Variants in ZNF185 observed in about 807,000 individuals in gnomAD.
ZNF185 encodes the protein zinc finger protein 185 with LIM domain, also known as zinc finger protein 185.
A neutral mutation model predicts 58.6 loss-of-function variants in ZNF185; 56 were observed. That is an observed-to-expected ratio of 0.95 (90% CI 0.77 to 1.19). The LOEUF (loss-of-function observed/expected upper bound fraction) is 1.19, where lower values mean the gene tolerates loss of function less well. ZNF185 is among the 50% of genes most tolerant of loss of function. The pLI, the probability that ZNF185 is intolerant of heterozygous loss-of-function variation, is 0.00. For missense variants in ZNF185, 627 were observed against 573.5 expected (o/e 1.09, Z -0.95); for synonymous variants, 230 against 215.9 (o/e 1.07, Z -0.57).
chrX:152,911,701 C>G (rs1420358336), upstream of ZNF185, among the ~76,000 whole-genome samples: 1 of 41,184 alleles, frequency 2.4e-5, no homozygotes, highest in Non-Finnish European at 4.7e-5. Flanking sequence ...TCATCCCATC[C>G]CATCCATCCC....
intron 18 of ZNF185, among the ~76,000 whole-genome samples, chrX:152,964,649 A>G (rs1222800049): frequency 8.9e-6 from 1 of 112,067 alleles, no homozygotes; most frequent in East Asian, 2.8e-4. Context: ...TCACATTTCA[A>G]CATGAGGTTT....
chrX:152,927,123 G>C (rs1405975359), intron 11 of ZNF185, among the ~76,000 whole-genome samples: 1 of 112,542 alleles, frequency 8.9e-6, no homozygotes, highest in Non-Finnish European at 1.9e-5. Context: ...AATATGTTGT[G>C]CTTGCCTGTG....
At chrX:152,962,631 G>A (rs1556911197) in intron 17 of ZNF185, among the ~76,000 whole-genome samples, 2 of 112,021 alleles carry the variant, frequency 1.8e-5, no homozygotes, top group Non-Finnish European at 3.8e-5. Flanking sequence ...AGTCTCTATG[G>A]TATATTTCTT....
In ZNF185 at chrX:152,963,827, T is replaced by C. The variant is rs782696290; in HGVS notation, c.1608-12T>C. The C allele has an allele frequency of 8.3e-7, 1 of 1,203,742 alleles. No individual in the cohort carries two copies. The highest frequency in any genetic ancestry group is 1.8e-5 in the South Asian group (1 of 56,091). ...AGGTTGACGTGCCCACCCCTCCCTTTATTTCTTTCAGGGTGAGGAGCCCCT... is the reference window on the plus strand; with the variant it reads ...AGGTTGACGTGCCCACCCCTCCCTTCATTTCTTTCAGGGTGAGGAGCCCCT... On this transcript the variant is annotated splice_polypyrimidine_tract_variant and intron_variant, in intron 17 of 22. Coordinates refer to ENST00000449285, the Ensembl canonical transcript of ZNF185.
chrX:152,939,868 T>C (rs950456500), intron 15 of ZNF185, among the ~76,000 whole-genome samples: 2 of 100,120 alleles, frequency 2.0e-5, no homozygotes. Context: ...CTGCAACCTC[T>C]GCCTCCTGGG....
At chrX:152,922,093 C>T in intron 9 of ZNF185, 80 bp from the exon 11 acceptor site, 1 of 1,044,181 alleles carries the variant, frequency 9.6e-7, no homozygotes, top group Non-Finnish European at 1.3e-6. Flanking sequence ...TTAGACGCCA[C>T]TGGAAGCATG....
chrX:152,909,547 C>T (rs1184981443), upstream of ZNF185, among the ~76,000 whole-genome samples: 2 of 112,367 alleles, frequency 1.8e-5, no homozygotes, highest in Admixed American at 9.3e-5. Flanking sequence ...TCCCTGGGCC[C>T]CGTACATGTG....
At chrX:152,958,894 C>T (rs2049143272) in intron 16 of ZNF185, among the ~76,000 whole-genome samples, 1 of 112,552 alleles carries the variant, frequency 8.9e-6, no homozygotes. Flanking sequence ...CGTGCGTGCA[C>T]AGGCCGGGGT....
chrX:152,951,083 G>T (rs1340944917), intron 16 of ZNF185, among the ~76,000 whole-genome samples: 2 of 90,793 alleles, frequency 2.2e-5, no homozygotes, highest in East Asian at 3.4e-4. Flanking sequence ...CAATGATCAA[G>T]AATTTTTTTT....
chrX:152,938,145 C>T (rs1463476865), exon 15 of ZNF185: 7 of 1,183,947 alleles, frequency 5.9e-6, no homozygotes, highest in Non-Finnish European at 7.9e-6. Flanking sequence ...CAGGAGGATG[C>T]AAAGGCAGAC....
At chrX:152,950,208 T>C (rs781995564) in intron 16 of ZNF185, among the ~76,000 whole-genome samples, 2 of 112,133 alleles carry the variant, frequency 1.8e-5, no homozygotes, top group Non-Finnish European at 3.8e-5. Flanking sequence ...AATGATCCTT[T>C]TATATAAGGG....
upstream of ZNF185, among the ~76,000 whole-genome samples, chrX:152,913,930 C>T (rs1556863318): frequency 9.0e-6 from 1 of 111,189 alleles, no homozygotes; most frequent in African/African-American, 3.3e-5. Flanking sequence ...GGTTAGCTGA[C>T]CTGCCCAAGG....
intron 12 of ZNF185, among the ~76,000 whole-genome samples, chrX:152,930,968 T>C: frequency 8.9e-6 from 1 of 111,904 alleles, no homozygotes. Context: ...GCTACTCCTC[T>C]TATTACCTGT....
At chrX:152,938,702 TCA>T (rs1199274804) in intron 15 of ZNF185, among the ~76,000 whole-genome samples, 7 of 110,933 alleles carry the variant, frequency 6.3e-5, no homozygotes, top group African/African-American at 2.3e-4. Flanking sequence ...AGCCCTCTAC[TCA>T]CAGTGTCTCA....
chrX:152,907,022 C>T, the ZNF185 span, among the ~76,000 whole-genome samples: 218 of 111,294 alleles, frequency 2.0e-3, no homozygotes, highest in Middle Eastern at 0.023. Flanking sequence ...TAATCCCCTG[C>T]GAGCCAGCTT....
chrX:152,915,909 G>A (rs1036095752), intron 3 of ZNF185, among the ~76,000 whole-genome samples: 1 of 111,751 alleles, frequency 8.9e-6, no homozygotes, highest in Non-Finnish European at 1.9e-5. Context: ...AGGCAGTGGC[G>A]GCCTCTGGAA....
chrX:152,952,950 GA>G (rs2125838706), intron 16 of ZNF185, among the ~76,000 whole-genome samples: 1 of 109,296 alleles, frequency 9.1e-6, no homozygotes, highest in African/African-American at 3.3e-5. Context: ...GCACCCAGTA[GA>G]TTGAGAGTTA....
intron 12 of ZNF185, among the ~76,000 whole-genome samples, chrX:152,928,988 C>G (rs782482702): frequency 2.8e-4 from 31 of 112,289 alleles, no homozygotes; most frequent in African/African-American, 9.0e-4. Context: ...GCCAGAGATG[C>G]TGTGTGCCAG....
chrX:152,910,797 C>T (rs781887116), upstream of ZNF185, among the ~76,000 whole-genome samples: 3 of 112,149 alleles, frequency 2.7e-5, no homozygotes, highest in African/African-American at 9.7e-5. Flanking sequence ...TCCTGGTTTC[C>T]CTTCCCACAA....
Sources: gnomAD v4.1 joint callset for allele counts (sites outside exome capture counted in the v4.1 genomes callset) on GRCh38, gnomAD v4.1.1 for gene constraint, MANE v1.5 for transcripts, NCBI Gene and HGNC (gene_info 2026-07-23, HGNC 2026-07-21) for gene names.